Variants in SH2B2 observed in about 807,000 individuals in gnomAD.
The protein encoded by SH2B2 is SH2B adapter protein 2.
A neutral mutation model predicts 35.7 loss-of-function variants in SH2B2; 37 were observed. That is an observed-to-expected ratio of 1.04 (90% CI 0.80 to 1.36). The LOEUF (loss-of-function observed/expected upper bound fraction) is 1.36. Among genes scored for constraint, SH2B2 ranks in the 40% most tolerant of loss-of-function variants. The pLI, the probability that SH2B2 is intolerant of heterozygous loss-of-function variation, is 0.00. For synonymous variants in SH2B2, 383 were observed against 376.4 expected (o/e 1.02, Z -0.20); for missense variants, 852 against 817.7 (o/e 1.04, Z -0.51).
chr7:102,293,588 G>A (rs1344034172), intron 1 of SH2B2, among the ~76,000 whole-genome samples: 1 of 152,018 alleles, frequency 6.6e-6, no homozygotes, highest in Non-Finnish European at 1.5e-5. Flanking sequence ...CCAGTGCTCC[G>A]AGGAGGGCCA....
intron 1 of SH2B2, among the ~76,000 whole-genome samples, chr7:102,299,798 A>G (rs1554553187): frequency 6.6e-6 from 1 of 152,194 alleles, no homozygotes; most frequent in Non-Finnish European, 1.5e-5. Context: ...ACTTGAAAGC[A>G]TCCATCATCC....
chr7:102,317,246 C>T lies in SH2B2; in HGVS notation c.1246C>T (p.Pro416Ser). 6.2e-7 allele frequency: 1 copy of T among 1,613,164 alleles called. No individual in the cohort carries two copies. ...AEPELELSDY[P>S]WFHGTLSRVK... is the part of the protein sequence containing the mutation. ...ACCCGAGCTGGAGCTATCCGACTAC[C>T]CATGGTTCCACGGGACACTGTCCCG... The change falls in exon 7 of 9, where the codon CCA (proline) becomes TCA (serine). Residue 416 changes from proline to serine, a missense_variant. Transcript: ENST00000444095.
intron 1 of SH2B2, among the ~76,000 whole-genome samples, chr7:102,298,914 CTTTTTT>C (rs1182008499): frequency 9.6e-5 from 9 of 93,396 alleles, no homozygotes; most frequent in East Asian, 3.1e-4. Context: ...TCTTTCTTCT[CTTTTTT>C]TTTTTTTTTT....
chr7:102,300,731 T>G lies in SH2B2; in HGVS notation c.181T>G (p.Phe61Val), dbSNP rs1793126405. 2.0e-6 allele frequency: 3 copies of G among 1,528,776 alleles called. No homozygotes were observed. Among genetic ancestry groups the G allele is most frequent in the Admixed American group, 4.0e-5 (2 of 49,678 alleles). The allele number at this position is 1,528,776 out of a possible 1,614,324, so 94.7% of individuals were successfully genotyped here. ...AYDTPDAGASFSRHFAANFLD... is the reference protein window; with the variant it reads ...AYDTPDAGASVSRHFAANFLD... ...CGACACGCCCGACGCCGGCGCCTCC[T>G]TCTCCCGCCACTTCGCCGCCAACTT... Residue 61 changes from phenylalanine to valine, a missense_variant, in exon 2 of 9, where the codon TTC becomes GTC. Phe to Val is a conservative substitution (Grantham distance 50). Coordinates refer to ENST00000444095, the MANE Select transcript of SH2B2 (RefSeq NM_001359228.2).
At chr7:102,290,560 C>T (rs571158669) in intron 1 of SH2B2, among the ~76,000 whole-genome samples, 4 of 152,290 alleles carry the variant, frequency 2.6e-5, no homozygotes, top group East Asian at 3.9e-4. Context: ...CCACTGCACC[C>T]GGCCTCCCCT....
intron 7 of SH2B2, among the ~76,000 whole-genome samples, chr7:102,319,518 G>C (rs1793975241): frequency 6.6e-6 from 1 of 152,082 alleles, no homozygotes; most frequent in Non-Finnish European, 1.5e-5. Flanking sequence ...GGGATTACAG[G>C]CGTGAGCCAC....
intron 1 of SH2B2, among the ~76,000 whole-genome samples, chr7:102,296,586 G>C (rs1467044725): frequency 1.3e-5 from 2 of 152,246 alleles, no homozygotes; most frequent in African/African-American, 2.4e-5. Context: ...CAGGTGATGG[G>C]CTGGGCCCAA....
chr7:102,287,652 G>C (rs906194701), intron 1 of SH2B2, among the ~76,000 whole-genome samples: 2 of 152,210 alleles, frequency 1.3e-5, no homozygotes, highest in Non-Finnish European at 2.9e-5. Context: ...GGATCGTGGA[G>C]GGTGCCCAAG....
At chr7:102,306,892 C>T in intron 3 of SH2B2, 70 bp downstream of exon 3, 2 of 1,238,426 alleles carry the variant, frequency 1.6e-6, no homozygotes, top group Middle Eastern at 1.9e-4. Context: ...GGTGCTACAG[C>T]TCCCTAGGGG....
In SH2B2 at chr7:102,301,201, G is replaced by A. The variant is rs1490427025; in HGVS notation, c.651G>A (p.Gln217=). 1 of 1,592,570 alleles carries A rather than the reference G, an allele frequency of 6.3e-7. No homozygotes were observed. Among genetic ancestry groups the A allele is most frequent in the East Asian group, 2.3e-5 (1 of 42,850 alleles). Residue 217 remains glutamine (Q), a synonymous_variant, in exon 2 of 9, where the codon CAG becomes CAA. Transcript: ENST00000444095. The stretch of plus-strand genomic sequence containing the variant: ...CCGCGGGCTCCGGGGGCTCGGCTCA[G>A]TGGCAGAAGTGCCGCCTGCTCCTGC... ...DAAAGSGGSA[Q]WQKCRLLLRR...
intron 4 of SH2B2, among the ~76,000 whole-genome samples, chr7:102,312,805 A>G (rs936647416): frequency 2.9e-4 from 44 of 151,528 alleles, no homozygotes; most frequent in African/African-American, 1.0e-3. Context: ...CTGCCTCACC[A>G]CCACGCCCAG....
chr7:102,312,868 G>T (rs1427991734), intron 4 of SH2B2, among the ~76,000 whole-genome samples: 1 of 152,204 alleles, frequency 6.6e-6, no homozygotes, highest in East Asian at 1.9e-4. Flanking sequence ...GGTGGCTCAT[G>T]CCTGTAATCC....
intron 1 of SH2B2, among the ~76,000 whole-genome samples, chr7:102,292,069 A>C (rs1250669956): frequency 6.6e-6 from 1 of 152,056 alleles, no homozygotes; most frequent in Non-Finnish European, 1.5e-5. Flanking sequence ...AGGACCCCTA[A>C]GGGCAGTGGA....
At chr7:102,300,175 C>T (rs1793086797) in intron 1 of SH2B2, among the ~76,000 whole-genome samples, 1 of 152,232 alleles carries the variant, frequency 6.6e-6, no homozygotes, top group Non-Finnish European at 1.5e-5. Flanking sequence ...GCGTGCACCA[C>T]CACACCCGGC....
At chr7:102,317,882 G>A (rs530611730) in intron 7 of SH2B2, among the ~76,000 whole-genome samples, 42 of 152,092 alleles carry the variant, frequency 2.8e-4, no homozygotes, top group Non-Finnish European at 3.8e-4. Flanking sequence ...GAACACACAC[G>A]GGCAAACCCT....
At chr7:102,298,062 C>T (rs571408361) in intron 1 of SH2B2, among the ~76,000 whole-genome samples, 49 of 152,216 alleles carry the variant, frequency 3.2e-4, no homozygotes, top group Non-Finnish European at 5.1e-4. Flanking sequence ...GGCTGCTATG[C>T]TTCTGGGAGG....
chr7:102,304,785 C>T (rs192024310), intron 2 of SH2B2, among the ~76,000 whole-genome samples: 18 of 152,400 alleles, frequency 1.2e-4, no homozygotes, highest in African/African-American at 4.1e-4. Context: ...CGCTGGCCGG[C>T]ACGATGGCCA....
chr7:102,296,637 G>A (rs1554552549), intron 1 of SH2B2, among the ~76,000 whole-genome samples: 1 of 152,214 alleles, frequency 6.6e-6, no homozygotes, highest in African/African-American at 2.4e-5. Context: ...AGGATGGAGG[G>A]GCCTGGGAAT....
Position 102,321,480 on chromosome 7 carries a change from G to T in SH2B2, c.1749G>T (p.Pro583=), listed in dbSNP as rs1554558611. Residue 583 remains proline (P), a synonymous_variant, in exon 9 of 9, where the codon CCG becomes CCT. Coordinates refer to ENST00000444095, the MANE Select transcript of SH2B2 (RefSeq NM_001359228.2). ...SSSAASGPAP[P]RPVEGQLSAR... ...CTGCCGCGTCGGGGCCCGCCCCCCC[G>T]CGCCCCGTCGAGGGCCAGCTCAGCG... The T allele has an allele frequency of 8.5e-6, 10 of 1,181,694 alleles. No individual in the cohort carries two copies. The East Asian group carries it at 1.2e-4, about 14-fold the overall frequency. The allele number at this position is 1,181,694 out of a possible 1,614,324, so 73.2% of individuals were successfully genotyped here. A position where few individuals can be genotyped will look rare whatever the true frequency, so the allele number is the denominator to read the frequency against.
Sources: allele counts gnomAD v4.1 joint callset (sites outside exome capture counted in the v4.1 genomes callset), GRCh38; gene constraint gnomAD v4.1.1; transcripts MANE v1.5; gene names NCBI Gene and HGNC (gene_info 2026-07-23, HGNC 2026-07-21).